The following DNAH12 variants were observed in gnomAD, a reference collection of about 807,000 sequenced individuals.
DNAH12 encodes axonemal beta dynein heavy chain 12.
A neutral mutation model predicts 371.5 loss-of-function variants in DNAH12; 285 were observed. That is an observed-to-expected ratio of 0.77 (90% CI 0.70 to 0.85). The LOEUF (loss-of-function observed/expected upper bound fraction) is 0.85. Ranked by LOEUF, DNAH12 falls within the 40% of genes least tolerant of loss-of-function variation. The pLI is 0.00. For missense variants in DNAH12, 3,611 were observed against 3,689.4 expected (o/e 0.98, Z 0.55); for synonymous variants, 1,200 against 1,213.0 (o/e 0.99, Z 0.22).
At chr3:57,437,755 G>C (rs1012037081) in intron 29 of DNAH12, among the ~76,000 whole-genome samples, 1 of 151,430 alleles carries the variant, frequency 6.6e-6, no homozygotes, top group African/African-American at 2.5e-5. Context: ...TGACACAAGA[G>C]ACCAAGGGCT....
intron 59 of DNAH12, 26 bp from the exon 60 acceptor site, chr3:57,352,251 ATT>A (rs781956231): frequency 1.3e-6 from 2 of 1,520,612 alleles, no homozygotes; most frequent in African/African-American, 2.8e-5. Flanking sequence ...AGGAAAACGT[ATT>A]GTCAAACAAA....
intron 4 of DNAH12, among the ~76,000 whole-genome samples, chr3:57,521,292 T>C (rs1416194935): frequency 1.3e-5 from 2 of 152,182 alleles, no homozygotes; most frequent in Non-Finnish European, 2.9e-5. Flanking sequence ...TGAGGTTTTT[T>C]TTATTTTATG....
intron 38 of DNAH12, 24 bp downstream of exon 38, chr3:57,415,400 ACC>A: frequency 6.5e-7 from 1 of 1,541,154 alleles, no homozygotes; most frequent in Non-Finnish European, 8.7e-7. Flanking sequence ...TTAACGATAG[ACC>A]CCCATTTCTG....
chr3:57,439,018 C>T (rs1307004915), intron 29 of DNAH12, among the ~76,000 whole-genome samples: 1 of 151,112 alleles, frequency 6.6e-6, no homozygotes, highest in East Asian at 1.9e-4. Flanking sequence ...ATAAAGATCT[C>T]TACAAGGAGA....
intron 29 of DNAH12, among the ~76,000 whole-genome samples, chr3:57,441,439 A>G (rs2065302106): frequency 6.6e-6 from 1 of 152,196 alleles, no homozygotes; most frequent in Non-Finnish European, 1.5e-5. Flanking sequence ...ATGGTCTAAT[A>G]TACATGTCAC....
chr3:57,314,560 A>G lies in DNAH12; in HGVS notation c.10596T>C (p.Pro3532=), dbSNP rs2061646674. The stretch of plus-strand genomic sequence containing the variant: ...ATCCATATGGAATATTCCAACCAAG[A>G]GGACCAAATTTCTTTCTCTCTTGCA... ...ALVQERKKFG[P]LGWNIPYGFN... Residue 3532 remains proline (P), a synonymous_variant, in exon 66 of 74, where the codon CCT becomes CCC. Transcript: ENST00000495027. The G allele has an allele frequency of 6.4e-7, 1 of 1,551,302 alleles. No homozygotes were observed. The highest frequency in any genetic ancestry group is 1.4e-5 in the African/African-American group (1 of 73,022).
chr3:57,305,504 A>T (rs1023392127), intron 69 of DNAH12, among the ~76,000 whole-genome samples: 7 of 152,100 alleles, frequency 4.6e-5, no homozygotes, highest in African/African-American at 1.7e-4. Flanking sequence ...ATTTACTCTT[A>T]AAAAGGTGGC....
intron 65 of DNAH12, among the ~76,000 whole-genome samples, chr3:57,317,434 A>G (rs1214724756): frequency 1.3e-5 from 2 of 152,020 alleles, no homozygotes; most frequent in East Asian, 3.9e-4. Flanking sequence ...GAGTTTGACT[A>G]TTTTTGATAC....
chr3:57,552,638 C>T, the DNAH12 span, among the ~76,000 whole-genome samples: 4 of 152,248 alleles, frequency 2.6e-5, no homozygotes, highest in South Asian at 8.3e-4. Flanking sequence ...GGTATAGTGT[C>T]TCATCTCATA....
chr3:57,540,821 T>C (rs1259467078), intron 2 of DNAH12, among the ~76,000 whole-genome samples: 1 of 151,718 alleles, frequency 6.6e-6, no homozygotes, highest in Non-Finnish European at 1.5e-5. Context: ...TCCCAGCCAC[T>C]TGAGAGGCTA....
At chr3:57,331,965 G>A (rs1294705359) in intron 62 of DNAH12, among the ~76,000 whole-genome samples, 1 of 151,836 alleles carries the variant, frequency 6.6e-6, no homozygotes, top group Non-Finnish European at 1.5e-5. Context: ...GTTAGGTCAG[G>A]GTAGCAAGAA....
the DNAH12 span, among the ~76,000 whole-genome samples, chr3:57,550,680 A>ATT: frequency 6.9e-6 from 1 of 145,224 alleles, no homozygotes; most frequent in African/African-American, 2.5e-5. Context: ...GCCCAGCTAA[A>ATT]TTTTTTTTTT....
At chr3:57,443,951 C>T (rs930951501) in intron 29 of DNAH12, among the ~76,000 whole-genome samples, 3 of 152,102 alleles carry the variant, frequency 2.0e-5, no homozygotes, top group Non-Finnish European at 4.4e-5. Flanking sequence ...CACCTGTGAT[C>T]CCAGCACTTT....
chr3:57,546,157 G>A (rs1033842604), upstream of DNAH12, among the ~76,000 whole-genome samples: 3 of 152,084 alleles, frequency 2.0e-5, no homozygotes, highest in African/African-American at 4.8e-5. Context: ...TAGCGGGGTC[G>A]GGGGACGAAG....
At chr3:57,408,665 T>G (rs551632413) in intron 39 of DNAH12, 130 bp from the exon 40 acceptor site, 2 of 1,182,726 alleles carry the variant, frequency 1.7e-6, no homozygotes, top group South Asian at 2.5e-5. Context: ...GATAACACTT[T>G]GAGTAGGAGA....
intron 32 of DNAH12, among the ~76,000 whole-genome samples, chr3:57,432,776 T>C (rs2064995733): frequency 6.6e-6 from 1 of 152,294 alleles, no homozygotes; most frequent in African/African-American, 2.4e-5. Context: ...GGAAGGAACA[T>C]GAGTGAACCT....
chr3:57,479,593 T>C (rs1319716297), intron 13 of DNAH12, among the ~76,000 whole-genome samples: 1 of 152,126 alleles, frequency 6.6e-6, no homozygotes, highest in Non-Finnish European at 1.5e-5. Flanking sequence ...TACAGAACTC[T>C]CCACCCCAAA....
At chr3:57,341,088 C>T (rs1553655947) in intron 60 of DNAH12, among the ~76,000 whole-genome samples, 1 of 151,752 alleles carries the variant, frequency 6.6e-6, no homozygotes. Flanking sequence ...CAATATCCCT[C>T]ATAAAACTCT....
chr3:57,527,913 T>A (rs1276156061), intron 2 of DNAH12, among the ~76,000 whole-genome samples: 1 of 152,258 alleles, frequency 6.6e-6, no homozygotes, highest in Non-Finnish European at 1.5e-5. Context: ...TTGCTTTGGC[T>A]GCCTGTACTC....
Sources: gnomAD v4.1 joint callset for allele counts (sites outside exome capture counted in the v4.1 genomes callset) on GRCh38, gnomAD v4.1.1 for gene constraint, MANE v1.5 for transcripts, NCBI Gene and HGNC (gene_info 2026-07-23, HGNC 2026-07-21) for gene names.